EDA: variants seen among roughly 807,000 people sequenced by gnomAD.
EDA encodes the protein ectodysplasin A.
In EDA, 2 loss-of-function variants were observed where a neutral mutation model predicts 23.6. That is an observed-to-expected ratio of 0.08 (90% CI 0.03 to 0.27). EDA has a LOEUF of 0.27. Ranked by LOEUF, EDA falls within the 10% of genes least tolerant of loss-of-function variation. EDA has a pLI of 1.00. For synonymous variants in EDA, 131 were observed against 132.0 expected (o/e 0.99, Z 0.05); for missense variants, 229 against 324.2 (o/e 0.71, Z 2.26).
intron 1 of EDA, among the ~76,000 whole-genome samples, chrX:69,905,167 C>T (rs1315343120): frequency 1.8e-5 from 2 of 112,256 alleles, no homozygotes; most frequent in African/African-American, 6.5e-5. Context: ...ATTGCCCTTT[C>T]TCTTTTACCC....
intron 1 of EDA, among the ~76,000 whole-genome samples, chrX:69,939,761 T>G (rs757610350): frequency 1.8e-5 from 2 of 112,021 alleles, no homozygotes; most frequent in East Asian, 5.6e-4. Flanking sequence ...GTATGTTCCT[T>G]CTATACCCAG....
chrX:70,034,598 T>C (rs1210714051), intron 7 of EDA, among the ~76,000 whole-genome samples: 1 of 111,240 alleles, frequency 9.0e-6, no homozygotes, highest in South Asian at 3.8e-4. Context: ...AAAAATTAAT[T>C]TTCTGAGCCT....
chrX:69,861,277 A>G, intron 1 of EDA: 1 of 174,633 alleles, frequency 5.7e-6, no homozygotes, highest in Non-Finnish European at 1.1e-5. Flanking sequence ...TATAGAAAGA[A>G]AATACCAGAC....
chrX:70,035,099 A>G (rs775561080), intron 7 of EDA, among the ~76,000 whole-genome samples: 27 of 111,934 alleles, frequency 2.4e-4, no homozygotes, highest in African/African-American at 8.8e-4. Flanking sequence ...CATGGTTCTT[A>G]GCCTTACAGA....
chrX:69,674,836 T>G (rs777384083), intron 1 of EDA, among the ~76,000 whole-genome samples: 3 of 111,691 alleles, frequency 2.7e-5, no homozygotes, highest in Non-Finnish European at 5.6e-5. Flanking sequence ...TAATACTAAT[T>G]TACTACCACC....
chrX:69,833,784 T>C (rs1013618202), intron 1 of EDA, among the ~76,000 whole-genome samples: 13 of 111,506 alleles, frequency 1.2e-4, no homozygotes, highest in African/African-American at 4.3e-4. Flanking sequence ...AGGTTATCTG[T>C]CCTGGAATTC....
intron 1 of EDA, among the ~76,000 whole-genome samples, chrX:69,828,234 G>C (rs906443610): frequency 4.5e-5 from 5 of 112,287 alleles, no homozygotes; most frequent in South Asian, 3.7e-4. Flanking sequence ...CCACCCAGTT[G>C]GAGCTTCCAG....
chrX:69,766,732 G>T (rs1352826690), intron 1 of EDA, among the ~76,000 whole-genome samples: 2 of 112,165 alleles, frequency 1.8e-5, no homozygotes, highest in African/African-American at 6.5e-5. Context: ...TTGCCATTGT[G>T]AATAGTGCTG....
intron 2 of EDA, among the ~76,000 whole-genome samples, chrX:69,989,266 G>A (rs964018827): frequency 8.9e-6 from 1 of 111,876 alleles, no homozygotes; most frequent in Non-Finnish European, 1.9e-5. Flanking sequence ...GATAGTATCA[G>A]TGAGGCCAAG....
chrX:69,940,776 G>T (rs751462901), intron 1 of EDA, among the ~76,000 whole-genome samples: 1 of 111,348 alleles, frequency 9.0e-6, no homozygotes, highest in Non-Finnish European at 1.9e-5. Context: ...TTTATCCCTT[G>T]TGTTACAAAT....
chrX:69,890,782 TTAAC>T (rs888180203), intron 1 of EDA, among the ~76,000 whole-genome samples: 1 of 111,409 alleles, frequency 9.0e-6, no homozygotes, highest in African/African-American at 3.3e-5. Context: ...ATGTAAAACT[TTAAC>T]TATAAAACCC....
At chrX:69,618,720 A>G (rs1378167575) in intron 1 of EDA, among the ~76,000 whole-genome samples, 2 of 111,136 alleles carry the variant, frequency 1.8e-5, no homozygotes, top group Non-Finnish European at 3.8e-5. Flanking sequence ...TAGAGGGCTC[A>G]GCTCTGCATC....
intron 1 of EDA, among the ~76,000 whole-genome samples, chrX:69,743,404 G>A (rs2013521533): frequency 8.9e-6 from 1 of 111,875 alleles, no homozygotes; most frequent in Non-Finnish European, 1.9e-5. Context: ...TTTTTTGTAT[G>A]TGTGAACTCT....
At chrX:69,934,493 A>G (rs1205921677) in intron 1 of EDA, among the ~76,000 whole-genome samples, 5 of 111,872 alleles carry the variant, frequency 4.5e-5, no homozygotes, top group African/African-American at 6.5e-5. Context: ...TTATCTGCCA[A>G]TCTTTATCAG....
chrX:69,734,464 C>T (rs1438041389), intron 1 of EDA, among the ~76,000 whole-genome samples: 1 of 111,170 alleles, frequency 9.0e-6, no homozygotes, highest in Non-Finnish European at 1.9e-5. Flanking sequence ...TTCTTTTCTC[C>T]TCCTTGCTTT....
rs754025889 is a variant in EDA at position 69,713,585 on chromosome X, T to C, written c.396+96881T>C. Reference sequence around the variant, plus strand: ...TCTCCTGTTTCTACAGTTTTGTCATTTCTAAAATGTCATATAAATGGAATC... The same window carrying C: ...TCTCCTGTTTCTACAGTTTTGTCATCTCTAAAATGTCATATAAATGGAATC... On this transcript the variant is annotated intron_variant, in intron 1 of 7. Transcript: ENST00000374552. Among the ~76,000 whole-genome samples the C allele has an allele frequency of 6.2e-5, 7 of 112,192 alleles. No homozygotes were observed. The South Asian group carries it at 2.6e-3, about 42-fold the overall frequency.
chrX:69,676,166 A>G (rs1021715327), intron 1 of EDA, among the ~76,000 whole-genome samples: 2 of 111,380 alleles, frequency 1.8e-5, no homozygotes, highest in Non-Finnish European at 3.8e-5. Context: ...GCTTTGTGTT[A>G]TGAGTGAAAT....
At position 69,616,252 on chromosome X, in the gene EDA, G is replaced by T; in HGVS notation, c.-57G>T. 8.7e-7 allele frequency: 1 copy of T among 1,145,979 alleles called. No homozygotes were observed. Among genetic ancestry groups the T allele is most frequent in the Non-Finnish European group, 1.2e-6 (1 of 864,946 alleles). 94.4% of individuals were successfully genotyped at this position (1,145,979 alleles called of 1,213,427 possible). ...TAGCCGCCTGTCAGAGGTCGTGAAC[G>T]GCTGAGGCAGACGCAGCGGCTCCCG... On this transcript the variant is annotated 5_prime_UTR_variant, in exon 1 of 8. Transcript: ENST00000374552.
rs139488687 is a variant in EDA, at chrX:69,748,560, A to G, written c.396+131856A>G. ...ACTTCAATATTATACTTTTTTTAAAAAAAGAAAAAAGAAAAGAAAGGCATC... is the reference window on the plus strand; with the variant it reads ...ACTTCAATATTATACTTTTTTTAAAGAAAGAAAAAAGAAAAGAAAGGCATC... On this transcript the variant is annotated intron_variant, in intron 1 of 7. Coordinates refer to ENST00000374552, the MANE Select transcript of EDA (RefSeq NM_001399.5). Among the ~76,000 whole-genome samples the G allele has an allele frequency of 7.7e-3, 864 of 111,516 alleles. 6 individuals carry two copies. The highest frequency in any genetic ancestry group is 0.027 in the African/African-American group (830 of 30,723).
Sources: allele counts gnomAD v4.1 joint callset (sites outside exome capture counted in the v4.1 genomes callset), GRCh38; gene constraint gnomAD v4.1.1; transcripts MANE v1.5; gene names NCBI Gene and HGNC (gene_info 2026-07-23, HGNC 2026-07-21).